Variants in WDFY4 observed in about 807,000 individuals in gnomAD.
WDFY4 encodes WDFY family member 4.
A neutral mutation model predicts 351.9 loss-of-function variants in WDFY4; 169 were observed. That is an observed-to-expected ratio of 0.48 (90% confidence interval 0.42 to 0.55). The LOEUF (loss-of-function observed/expected upper bound fraction) is 0.55, where lower values mean the gene tolerates loss of function less well. WDFY4 is among the 20% of genes least tolerant of loss of function. The pLI, the probability that WDFY4 is intolerant of heterozygous loss-of-function variation, is 0.00. For synonymous variants in WDFY4, 1,622 were observed against 1,574.6 expected (o/e 1.03, Z -0.71); for missense variants, 3,803 against 3,935.6 (o/e 0.97, Z 0.90).
At chr10:48,771,202 T>C (rs1184438631) in intron 13 of WDFY4, among the ~76,000 whole-genome samples, 1 of 152,240 alleles carries the variant, frequency 6.6e-6, no homozygotes, top group Admixed American at 6.5e-5. Flanking sequence ...TCTTTCTTCA[T>C]ACATTTTAAT....
intron 40 of WDFY4, among the ~76,000 whole-genome samples, chr10:48,867,561 A>G (rs978900590): frequency 4.6e-5 from 7 of 152,256 alleles, no homozygotes; most frequent in African/African-American, 1.7e-4. Flanking sequence ...TGTACAATCT[A>G]GGCAAAGAAC....
At chr10:48,710,529 G>A (rs1260974097) in intron 2 of WDFY4, among the ~76,000 whole-genome samples, 1 of 152,162 alleles carries the variant, frequency 6.6e-6, no homozygotes, top group Non-Finnish European at 1.5e-5. Context: ...TGTCTCTTTA[G>A]TTAAAAAATA....
At chr10:48,874,495 G>C (rs959161931) in intron 41 of WDFY4, among the ~76,000 whole-genome samples, 1 of 152,070 alleles carries the variant, frequency 6.6e-6, no homozygotes, top group East Asian at 1.9e-4. Flanking sequence ...TGTAACCTCA[G>C]CATCTTTTAC....
intron 43 of WDFY4, among the ~76,000 whole-genome samples, chr10:48,886,057 G>T (rs1362769240): frequency 6.6e-6 from 1 of 152,140 alleles, no homozygotes; most frequent in East Asian, 1.9e-4. Context: ...TGGGAGCAGG[G>T]CTAAAGCTTT....
intron 24 of WDFY4, among the ~76,000 whole-genome samples, chr10:48,799,534 A>AGG (rs1565212218): frequency 0.05 from 7,595 of 151,984 alleles, 663 homozygotes; most frequent in African/African-American, 0.17. Flanking sequence ...CCCAGCACGA[A>AGG]GAGGCCGAGG....
At chr10:48,761,681 G>A (rs1185019763) in intron 13 of WDFY4, among the ~76,000 whole-genome samples, 2 of 152,200 alleles carry the variant, frequency 1.3e-5, no homozygotes, top group African/African-American at 4.8e-5. Context: ...CGAAGTTGGA[G>A]TCAGCAGTCT....
At chr10:48,765,362 A>C (rs1474085169) in intron 13 of WDFY4, among the ~76,000 whole-genome samples, 1 of 152,184 alleles carries the variant, frequency 6.6e-6, no homozygotes, top group Non-Finnish European at 1.5e-5. Context: ...AAAATTATTT[A>C]AACTCTTTGA....
intron 47 of WDFY4, among the ~76,000 whole-genome samples, chr10:48,907,400 G>T (rs143548070): frequency 7.9e-4 from 120 of 152,308 alleles, no homozygotes; most frequent in Middle Eastern, 6.8e-3. Context: ...GGGCCTGATT[G>T]TACCTGGGTG....
At chr10:48,713,400 G>A (rs1053138197) in intron 2 of WDFY4, among the ~76,000 whole-genome samples, 31 of 152,158 alleles carry the variant, frequency 2.0e-4, no homozygotes, top group African/African-American at 7.0e-4. Context: ...CTTCAAACAC[G>A]AGCACTGAAC....
At chr10:48,796,156 G>A in intron 23 of WDFY4, 142 bp from the exon 24 acceptor site, 1 of 1,015,064 alleles carries the variant, frequency 9.9e-7, no homozygotes, top group South Asian at 1.8e-5. Flanking sequence ...AAGTTGATGT[G>A]TATTTTTCTT....
Position 48,976,683 on chromosome 10 carries a change from C to A in WDFY4, c.9109-114C>A, listed in dbSNP as rs765878884. 3.9e-6 allele frequency: 4 copies of A among 1,020,700 alleles called. No homozygotes were observed. The African/African-American group carries it at 6.7e-5, about 17-fold the overall frequency. 63.2% of individuals were successfully genotyped at this position (1,020,700 alleles called of 1,614,324 possible). ...AGAAGTTTTGGGGTACCTTGGGGGT[C>A]TTCAGAGCATGACAGATTGAGAGTA... On this transcript the variant is annotated intron_variant, in intron 58 of 61. Transcript: ENST00000325239.
chr10:48,981,455 A>G lies in WDFY4; in HGVS notation c.9465A>G (p.Ala3155=). 6.4e-7 allele frequency: 1 copy of G among 1,551,710 alleles called. No homozygotes were observed. The highest frequency in any genetic ancestry group is 8.7e-7 in the Non-Finnish European group (1 of 1,146,984). Residue 3155 remains alanine, a synonymous_variant, in exon 61 of 62, where the codon GCA becomes GCG. Transcript: ENST00000325239. Reference sequence around the variant, plus strand: ...GGAAGCCCAGCAAAACCAGCCCCGCAGTGACTGCTCTGGCCGTGTCCAGGT... The same window carrying G: ...GGAAGCCCAGCAAAACCAGCCCCGCGGTGACTGCTCTGGCCGTGTCCAGGT... ...LTGKPSKTSP[A]VTALAVSRNH...
chr10:48,773,644 T>C (rs2065937313), intron 13 of WDFY4, among the ~76,000 whole-genome samples: 1 of 152,172 alleles, frequency 6.6e-6, no homozygotes, highest in African/African-American at 2.4e-5. Context: ...CAGCTATTCA[T>C]GTGGCAGCAT....
Position 48,810,685 on chromosome 10 carries a change from G to A in WDFY4, c.4994G>A (p.Cys1665Tyr), listed in dbSNP as rs749828225. Residue 1665 changes from cysteine (C) to tyrosine (Y), a missense_variant, in exon 29 of 62, where the codon TGT becomes TAT. Around this residue, in one of 3 missense-constraint regions of WDFY4, gnomAD observed 3,054 missense variants for 3,148.6 expected, o/e 0.97. Transcript: ENST00000325239. ...SLRTRFRDGL[C>Y]AGSWVERSTE... ...CGCACACGGTTTAGAGATGGCCTGTGTGCAGGATCCTGGGTGGAACGCAGC... is the reference window on the plus strand; with the variant it reads ...CGCACACGGTTTAGAGATGGCCTGTATGCAGGATCCTGGGTGGAACGCAGC... 4.6e-5 allele frequency: 71 copies of A among 1,551,116 alleles called. No individual in the cohort carries two copies. The South Asian group carries it at 7.9e-4, about 17-fold the overall frequency.
chr10:48,953,195 C>T (rs1841414509), intron 51 of WDFY4, among the ~76,000 whole-genome samples: 1 of 152,154 alleles, frequency 6.6e-6, no homozygotes, highest in African/African-American at 2.4e-5. Flanking sequence ...GGGCCCAAGC[C>T]CAGGATTGCT....
chr10:48,837,433 T>C (rs2059632827), intron 39 of WDFY4, among the ~76,000 whole-genome samples: 1 of 151,788 alleles, frequency 6.6e-6, no homozygotes, highest in African/African-American at 2.4e-5. Context: ...CTCCTATAGG[T>C]GAGATTACAG....
chr10:48,784,371 G>T (rs1035380194), intron 19 of WDFY4, among the ~76,000 whole-genome samples: 5 of 152,020 alleles, frequency 3.3e-5, no homozygotes, highest in African/African-American at 1.2e-4. Context: ...TAGCCATTTT[G>T]ATAGTTGTGT....
chr10:48,981,271 T>C (rs893228685), intron 60 of WDFY4, 96 bp from the exon 61 acceptor site: 3 of 946,896 alleles, frequency 3.2e-6, no homozygotes, highest in Non-Finnish European at 4.8e-6. Context: ...CAAATATAAA[T>C]ATGTGCGTAT....
At chr10:48,692,108 C>T (rs2132089654) in intron 1 of WDFY4, among the ~76,000 whole-genome samples, 1 of 152,366 alleles carries the variant, frequency 6.6e-6, no homozygotes, top group South Asian at 2.1e-4. Context: ...GCCTGCATGT[C>T]CAATGTATGC....
Sources: gnomAD v4.1 joint callset for allele counts (sites outside exome capture counted in the v4.1 genomes callset) on GRCh38, gnomAD v4.1.1 for gene constraint, gnomAD v4.1.1 regional missense constraint, MANE v1.5 for transcripts, NCBI Gene and HGNC (gene_info 2026-07-23, HGNC 2026-07-21) for gene names.